MED1: variants seen among roughly 807,000 people sequenced by gnomAD.
The protein encoded by MED1 is mediator of RNA polymerase II transcription subunit 1.
A neutral mutation model predicts 121.3 loss-of-function variants in MED1; 17 were observed. The observed-to-expected ratio is 0.14, with a 90% CI of 0.10 to 0.21. The LOEUF (loss-of-function observed/expected upper bound fraction) is 0.21, where lower values mean the gene tolerates loss of function less well. Ranked by LOEUF, MED1 falls within the 10% of genes least tolerant of loss-of-function variation. The pLI is 1.00. For missense variants in MED1, 1,558 were observed against 1,919.4 expected, an observed-to-expected ratio of 0.81 and a Z score of 3.52; for synonymous variants, 661 against 694.4, an observed-to-expected ratio of 0.95 and a Z score of 0.76.
rs765564424 is a variant in MED1, at chr17:39,410,005, G to T, written c.2216C>A (p.Thr739Asn). 2 of 1,614,150 alleles carry T rather than the reference G, an allele frequency of 1.2e-6. No homozygotes were observed. The highest frequency in any genetic ancestry group is 1.7e-6 in the Non-Finnish European group (2 of 1,180,030). Reference sequence around the variant, plus strand: ...AGTGCTACACTGGCTTGGAGCTGGAGTGATGTGTGGCGTATCCAGCGTGTC... The same window carrying T: ...AGTGCTACACTGGCTTGGAGCTGGATTGATGTGTGGCGTATCCAGCGTGTC... The part of the protein sequence containing the change: ...TADTLDTPHI[T>N]PAPSQCSTPP... Residue 739 changes from threonine (T) to asparagine (N), a missense_variant, in exon 17 of 17, where the codon ACT becomes AAT. Thr to Asn is a moderately conservative substitution (Grantham distance 65). Around this residue, in one of 5 missense-constraint regions of MED1, gnomAD observed 793 missense variants for 898.2 expected, o/e 0.88. Coordinates refer to ENST00000300651, the MANE Select transcript of MED1 (RefSeq NM_004774.4).
chr17:39,406,450 A>C lies in MED1; in HGVS notation c.*1025T>G, dbSNP rs1164113396. ...ACTTTTGGCACATTGTGGAAGTAGG[A>C]GAACTATTAATCCTGTAATGGTTTT... On this transcript the variant is annotated 3_prime_UTR_variant, in exon 17 of 17. Transcript: ENST00000300651. 9 of 985,252 alleles carry C rather than the reference A, an allele frequency of 9.1e-6. No individual in the cohort carries two copies. The Admixed American group carries it at 1.8e-4, about 20-fold the overall frequency. The allele number at this position is 985,252 out of a possible 1,614,324, so 61.0% of individuals were successfully genotyped here. A position where few individuals can be genotyped will look rare whatever the true frequency, so the allele number is the denominator to read the frequency against.
intron 10 of MED1, among the ~76,000 whole-genome samples, chr17:39,426,354 G>A (rs1567646251): frequency 1.3e-5 from 2 of 152,054 alleles, no homozygotes; most frequent in African/African-American, 4.8e-5. Flanking sequence ...GGCTGAGGCA[G>A]GAGAATCACT....
intron 1 of MED1, among the ~76,000 whole-genome samples, chr17:39,448,419 G>A (rs915571606): frequency 1.3e-5 from 2 of 151,700 alleles, no homozygotes; most frequent in South Asian, 2.1e-4. Flanking sequence ...GCATGTGCCT[G>A]TAGTCAGTCC....
chr17:39,446,054 C>T (rs768727974), intron 2 of MED1, among the ~76,000 whole-genome samples: 79 of 149,712 alleles, frequency 5.3e-4, no homozygotes, highest in Non-Finnish European at 8.5e-4. Flanking sequence ...AAAATGAATC[C>T]GCCAGGCACG....
At chr17:39,426,235 T>G (rs1026094381) in intron 10 of MED1, among the ~76,000 whole-genome samples, 1 of 152,018 alleles carries the variant, frequency 6.6e-6, no homozygotes, top group African/African-American at 2.4e-5. Context: ...TCACTTCAGG[T>G]AAGGAGTTCA....
In MED1 at chr17:39,440,964, A is replaced by T. The variant is rs2048669345; in HGVS notation, c.212-287T>A. The stretch of plus-strand genomic sequence containing the variant: ...TTAACTTAAGACACATTTATCTGCT[A>T]ATGATAGAATAAGGAAGATTAACAT... On this transcript the variant is annotated intron_variant, in intron 3 of 16. Transcript: ENST00000300651. The surrounding 1 kb of genome is among the most constrained non-coding windows in gnomAD (Gnocchi z 4.1). Among the ~76,000 whole-genome samples, 1 of 152,180 alleles carries T rather than the reference A, an allele frequency of 6.6e-6. No individual in the cohort carries two copies. Among genetic ancestry groups the T allele is most frequent in the Admixed American group, 6.6e-5 (1 of 15,246 alleles).
intron 14 of MED1, among the ~76,000 whole-genome samples, chr17:39,417,221 T>C (rs1249510220): frequency 6.6e-6 from 1 of 152,012 alleles, no homozygotes; most frequent in African/African-American, 2.4e-5. Context: ...TCCGAGCTAC[T>C]TGGGAGGCTG....
At chr17:39,427,867 T>A (rs1250660351) in intron 9 of MED1, 77 bp from the exon 10 acceptor site, 4 of 889,874 alleles carry the variant, frequency 4.5e-6, no homozygotes, top group Non-Finnish European at 6.8e-6. Context: ...ATTTATTATA[T>A]AAACCGATAT....
chr17:39,450,002 C>T (rs1319557143), intron 1 of MED1, among the ~76,000 whole-genome samples: 1 of 151,014 alleles, frequency 6.6e-6, no homozygotes, highest in Non-Finnish European at 1.5e-5. Flanking sequence ...CTAGTAGAGA[C>T]GGGTTTTCTC....
chr17:39,443,776 A>C (rs895245198), intron 2 of MED1, 148 bp from the exon 3 acceptor site: 30 of 613,094 alleles, frequency 4.9e-5, no homozygotes, highest in Non-Finnish European at 7.8e-5. Flanking sequence ...ATAGAGTAAC[A>C]CTGGTCTACA....
At position 39,409,797 on chromosome 17, in the gene MED1, T is replaced by C; in HGVS notation, c.2424A>G (p.Arg808=). 1 of 1,614,190 alleles carries C rather than the reference T, an allele frequency of 6.2e-7. No individual in the cohort carries two copies. Among genetic ancestry groups the C allele is most frequent in the Non-Finnish European group, 8.5e-7 (1 of 1,180,036 alleles). The change falls in exon 17 of 17, where the codon CGA becomes CGG. Residue 808 remains arginine (R), a synonymous_variant. Transcript: ENST00000300651. ...DDCPAIGTPL[R]DSSSSGHSQS... is the part of the protein sequence containing the mutation. ...GAGAATGCCCAGAGCTTGAAGAATC[T>C]CGAAGAGGGGTGCCAATGGCTGGGC...
At position 39,408,291 on chromosome 17, in the gene MED1, C is replaced by T; in HGVS notation, c.3930G>A (p.Leu1310=). The T allele has an allele frequency of 6.2e-7, 1 of 1,614,154 alleles. No individual in the cohort carries two copies. Among genetic ancestry groups the T allele is most frequent in the Non-Finnish European group, 8.5e-7 (1 of 1,180,034 alleles). Residue 1310 remains leucine (L), a synonymous_variant, in exon 17 of 17, where the codon CTG becomes CTA. Coordinates refer to ENST00000300651, the MANE Select transcript of MED1 (RefSeq NM_004774.4). This position sits in a 1 kb window ranked among gnomAD's most constrained non-coding sequence, Gnocchi z 4.7. ...GGCCACTGGTGACAACCCCATGCTT[C>T]AGTTTATCTATGACAGCTGTCAAGG... ...KPSLTAVIDK[L]KHGVVTSGPG... is the part of the protein sequence containing the mutation.
chr17:39,433,489 C>A (rs1204174277), intron 7 of MED1, among the ~76,000 whole-genome samples: 1 of 151,000 alleles, frequency 6.6e-6, no homozygotes, highest in African/African-American at 2.4e-5. Flanking sequence ...CTGTGCCCAG[C>A]CTAAAACATT....
chr17:39,445,542 A>G (rs1597875744), intron 2 of MED1: 1 of 152,052 alleles, frequency 6.6e-6, no homozygotes, highest in East Asian at 1.9e-4. Context: ...TGATGTACCA[A>G]TAAAATTAGG....
At chr17:39,425,121 C>T (rs757565168) in intron 10 of MED1, among the ~76,000 whole-genome samples, 4 of 151,980 alleles carry the variant, frequency 2.6e-5, no homozygotes, top group African/African-American at 4.8e-5. Context: ...CTTCATGATC[C>T]GCCCATCTTG....
chr17:39,449,138 G>A (rs1032621717), intron 1 of MED1, among the ~76,000 whole-genome samples: 4 of 151,828 alleles, frequency 2.6e-5, no homozygotes, highest in Admixed American at 2.6e-4. Flanking sequence ...CATGCTCCAG[G>A]ATCAAGTGAT....
At chr17:39,410,861 A>C (rs969885921) in intron 16 of MED1, 140 bp from the exon 17 acceptor site, 4 of 1,267,990 alleles carry the variant, frequency 3.2e-6, no homozygotes, top group East Asian at 2.6e-5. Flanking sequence ...TAGTTCTATC[A>C]AATACCAGAG....
Position 39,409,165 on chromosome 17 carries a change from C to G in MED1, c.3056G>C (p.Gly1019Ala), listed in dbSNP as rs1204712595. 1 of 1,614,152 alleles carries G rather than the reference C, an allele frequency of 6.2e-7. No individual in the cohort carries two copies. Among genetic ancestry groups the G allele is most frequent in the Non-Finnish European group, 8.5e-7 (1 of 1,180,036 alleles). The change falls in exon 17 of 17, where the codon GGA becomes GCA. Residue 1019 changes from glycine to alanine, a missense_variant. This residue lies in a region of MED1 where 793 missense variants were observed against 898.2 expected (regional missense o/e 0.88). Transcript: ENST00000300651. Reference protein sequence around the residue: ...PPKRKKADTEGKSPSHSSSNR... With the variant: ...PPKRKKADTEAKSPSHSSSNR... The stretch of plus-strand genomic sequence containing the variant: ...AGAAGAACTATGAGATGGAGACTTT[C>G]CCTCAGTGTCTGCCTTCTTCCGCTT...
chr17:39,410,000 C>T lies in MED1; in HGVS notation c.2221G>A (p.Ala741Thr), dbSNP rs146052062. Reference protein sequence around the residue: ...DTLDTPHITPAPSQCSTPPTT... With the variant: ...DTLDTPHITPTPSQCSTPPTT... The stretch of plus-strand genomic sequence containing the variant: ...GGGGGAGTGCTACACTGGCTTGGAG[C>T]TGGAGTGATGTGTGGCGTATCCAGC... The change falls in exon 17 of 17, where the codon GCT (alanine) becomes ACT (threonine). Residue 741 changes from alanine to threonine, a missense_variant. This residue lies in a region of MED1 where 793 missense variants were observed against 898.2 expected (regional missense o/e 0.88). Transcript: ENST00000300651. The T allele has an allele frequency of 3.1e-6, 5 of 1,614,058 alleles. No homozygotes were observed. Among genetic ancestry groups the T allele is most frequent in the Non-Finnish European group, 4.2e-6 (5 of 1,180,016 alleles).
Sources: allele counts gnomAD v4.1 joint callset (sites outside exome capture counted in the v4.1 genomes callset), GRCh38; gene constraint gnomAD v4.1.1; regional missense constraint gnomAD v4.1.1; non-coding constraint Gnocchi (gnomAD v3.1); transcripts MANE v1.5; gene names NCBI Gene and HGNC (gene_info 2026-07-23, HGNC 2026-07-21).